Variants in CATSPERT observed in about 807,000 individuals in gnomAD.
CATSPERT encodes catsper channel auxiliary subunit tau.
At chr2:201,592,193 G>T in the CATSPERT span, among the ~76,000 whole-genome samples, 1,193 of 152,128 alleles carry the variant, frequency 7.8e-3, 17 homozygotes, top group African/African-American at 0.028. Context: ...AGCATGAAAG[G>T]TTGTTGAATT....
At chr2:201,491,877 A>T in the CATSPERT span, 1 of 1,536,904 alleles carries the variant, frequency 6.5e-7, no homozygotes, top group East Asian at 2.4e-5. Flanking sequence ...TTTCTGCTTG[A>T]GGAAGCTGCG....
the CATSPERT span, among the ~76,000 whole-genome samples, chr2:201,605,135 T>C: frequency 1.3e-5 from 2 of 151,202 alleles, no homozygotes; most frequent in East Asian, 3.9e-4. Context: ...TACATGCACA[T>C]GCACACACAC....
At chr2:201,554,669 T>A in the CATSPERT span, 103 of 152,290 alleles carry the variant, frequency 6.8e-4, no homozygotes, top group East Asian at 0.015. Context: ...AAAAGCTACA[T>A]ATTTCAATAT....
chr2:201,560,807 G>T, the CATSPERT span, among the ~76,000 whole-genome samples: 1 of 150,090 alleles, frequency 6.7e-6, no homozygotes, highest in Non-Finnish European at 1.5e-5. Flanking sequence ...TTTTGAGACA[G>T]AGTCTTGTTC....
chr2:201,609,282 T>C, the CATSPERT span, among the ~76,000 whole-genome samples: 4 of 152,148 alleles, frequency 2.6e-5, no homozygotes, highest in Admixed American at 1.3e-4. Context: ...AGACAGATCA[T>C]CTAGACAGAA....
chr2:201,607,739 C>A, the CATSPERT span, among the ~76,000 whole-genome samples: 1 of 152,192 alleles, frequency 6.6e-6, no homozygotes, highest in Non-Finnish European at 1.5e-5. Context: ...TAGTTAAAAA[C>A]CGAATTGCCT....
the CATSPERT span, among the ~76,000 whole-genome samples, chr2:201,618,366 A>C: frequency 2.0e-5 from 3 of 152,184 alleles, no homozygotes; most frequent in Non-Finnish European, 4.4e-5. Flanking sequence ...ACACCATGGA[A>C]TACTATGCAG....
chr2:201,552,294 G>A, the CATSPERT span, among the ~76,000 whole-genome samples: 1 of 152,134 alleles, frequency 6.6e-6, no homozygotes, highest in Non-Finnish European at 1.5e-5. Context: ...TTTTCATTGA[G>A]CTTCGCAGTG....
the CATSPERT span, among the ~76,000 whole-genome samples, chr2:201,613,351 C>T: frequency 1.3e-5 from 2 of 152,108 alleles, no homozygotes; most frequent in Admixed American, 6.5e-5. Flanking sequence ...TCTGAGACAA[C>T]GCTTCCAGAA....
the CATSPERT span, among the ~76,000 whole-genome samples, chr2:201,616,255 AAC>A: frequency 6.6e-6 from 1 of 152,200 alleles, no homozygotes; most frequent in African/African-American, 2.4e-5. Context: ...ACACAACAAA[AAC>A]AGAGAATTTT....
chr2:201,491,060 T>TG, the CATSPERT span: 1 of 944,730 alleles, frequency 1.1e-6, no homozygotes, highest in South Asian at 2.0e-5. Context: ...CTGTATGTCT[T>TG]GGGGGTAATT....
the CATSPERT span, among the ~76,000 whole-genome samples, chr2:201,544,250 G>A: frequency 1.3e-5 from 2 of 152,048 alleles, no homozygotes; most frequent in East Asian, 3.9e-4. Flanking sequence ...TCTTAATCCA[G>A]TCTATCATTG....
chr2:201,618,454 G>T, the CATSPERT span, among the ~76,000 whole-genome samples: 1 of 150,148 alleles, frequency 6.7e-6, no homozygotes, highest in South Asian at 2.1e-4. Context: ...GCAAACTATC[G>T]CAAGGACAGA....
chr2:201,574,243 G>A, the CATSPERT span: 6 of 1,605,684 alleles, frequency 3.7e-6, no homozygotes, highest in Non-Finnish European at 5.1e-6. Flanking sequence ...GTTTCCATAG[G>A]AGAACATAAA....
the CATSPERT span, among the ~76,000 whole-genome samples, chr2:201,593,169 C>T: frequency 6.6e-6 from 1 of 151,948 alleles, no homozygotes; most frequent in African/African-American, 2.4e-5. Context: ...CCCAGAGATT[C>T]TGGTATGTTG....
At chr2:201,501,022 A>G in the CATSPERT span, among the ~76,000 whole-genome samples, 2 of 152,178 alleles carry the variant, frequency 1.3e-5, no homozygotes, top group African/African-American at 2.4e-5. Context: ...AAATGAAAAC[A>G]CAACATACCA....
chr2:201,504,663 C>A, the CATSPERT span, among the ~76,000 whole-genome samples: 1 of 152,200 alleles, frequency 6.6e-6, no homozygotes, highest in Non-Finnish European at 1.5e-5. Flanking sequence ...CCTCCTGACT[C>A]ACTGTGCCCT....
chr2:201,488,847 A>C, the CATSPERT span, among the ~76,000 whole-genome samples: 1 of 152,222 alleles, frequency 6.6e-6, no homozygotes, highest in African/African-American at 2.4e-5. Flanking sequence ...TTTCTGCCTG[A>C]GTTTGGAGAA....
At chr2:201,614,129 C>T in the CATSPERT span, among the ~76,000 whole-genome samples, 2 of 152,182 alleles carry the variant, frequency 1.3e-5, no homozygotes, top group African/African-American at 4.8e-5. Flanking sequence ...AGTTGGAAAA[C>T]ACTCTTCAGG....
Sources: gnomAD v4.1 joint callset for allele counts (sites outside exome capture counted in the v4.1 genomes callset) on GRCh38, gnomAD v4.1.1 for gene constraint, MANE v1.5 for transcripts, NCBI Gene and HGNC (gene_info 2026-07-23, HGNC 2026-07-21) for gene names.